The following CHD2 variants were observed in gnomAD, a reference collection of about 807,000 sequenced individuals.
The protein encoded by CHD2 is ATP-dependent chromatin remodeler CHD2.
In CHD2, 28 loss-of-function variants were observed where a neutral mutation model predicts 243.9. That is an observed-to-expected ratio of 0.11 (90% confidence interval 0.09 to 0.16). The LOEUF is 0.16. CHD2 is among the 10% of genes least tolerant of loss of function. CHD2 has a pLI of 1.00. For synonymous variants in CHD2, 775 were observed against 779.0 expected (o/e 0.99, Z 0.09); for missense variants, 1,386 against 2,209.8 (o/e 0.63, Z 7.47).
At chr15:92,975,947 C>A (rs565920205) in intron 20 of CHD2, among the ~76,000 whole-genome samples, 2 of 152,302 alleles carry the variant, frequency 1.3e-5, no homozygotes, top group African/African-American at 4.8e-5. Flanking sequence ...TTCCTCCTTT[C>A]CTTGCTCCTT....
At chr15:93,015,434 C>T (rs1325434218) in intron 37 of CHD2, among the ~76,000 whole-genome samples, 2 of 151,954 alleles carry the variant, frequency 1.3e-5, no homozygotes, top group African/African-American at 4.8e-5. Context: ...CATGAACAAA[C>T]GAAAAAGACT....
chr15:92,975,917 C>T (rs1270403331), intron 20 of CHD2, among the ~76,000 whole-genome samples: 1 of 152,114 alleles, frequency 6.6e-6, no homozygotes, highest in Non-Finnish European at 1.5e-5. Flanking sequence ...TTAAAGACAT[C>T]GGTCATCAAC....
At chr15:92,942,462 C>T (rs536573048) in intron 8 of CHD2, among the ~76,000 whole-genome samples, 9 of 149,734 alleles carry the variant, frequency 6.0e-5, no homozygotes, top group Middle Eastern at 3.4e-3. Flanking sequence ...GAAAGTTAAC[C>T]GGGGACTTCG....
intron 16 of CHD2, among the ~76,000 whole-genome samples, chr15:92,959,031 A>G (rs1270864318): frequency 6.6e-6 from 1 of 152,190 alleles, no homozygotes; most frequent in East Asian, 1.9e-4. Flanking sequence ...TTTTATCCCA[A>G]TCTGTGGCTT....
chr15:92,978,001 G>A, intron 20 of CHD2: 1 of 484,714 alleles, frequency 2.1e-6, no homozygotes, highest in Non-Finnish European at 3.7e-6. Context: ...CACTCCCATT[G>A]CCTTATTAGA....
Position 92,981,637 on chromosome 15 carries a change from G to A in CHD2, c.3066+180G>A, listed in dbSNP as rs11637185. On this transcript the variant is annotated intron_variant, in intron 24 of 38. Coordinates refer to ENST00000394196, the MANE Select transcript of CHD2 (RefSeq NM_001271.4). ...TGAATGTAGGTTCTACAGTCCGCAC[G>A]AAGGTAATCACTGAAGTGGGCTATC... is the stretch of plus-strand genomic sequence containing the variant. Among the ~76,000 whole-genome samples the A allele has an allele frequency of 0.2, 30,876 of 152,194 alleles. 3,841 individuals are homozygous for A. The highest frequency in any genetic ancestry group is 0.31 in the Middle Eastern group (91 of 294).
rs1468576695 is a variant in CHD2 at position 93,009,210 on chromosome 15, C to T, written c.4479C>T (p.Leu1493=). The change falls in exon 35 of 39, where the codon CTC becomes CTT. Residue 1493 remains leucine (L), a synonymous_variant. Coordinates refer to ENST00000394196, the MANE Select transcript of CHD2 (RefSeq NM_001271.4). ...AGCTCGACAAACCTGACAAGGGGCT[C>T]AACGTGCAAGAACAGCTGGAACACA... ...LKQLDKPDKG[L]NVQEQLEHTR... 6.2e-7 allele frequency: 1 copy of T among 1,614,180 alleles called. No homozygotes were observed. The highest frequency in any genetic ancestry group is 8.5e-7 in the Non-Finnish European group (1 of 1,180,016).
At chr15:93,008,338 A>G (rs2054348510) in intron 34 of CHD2, among the ~76,000 whole-genome samples, 1 of 152,164 alleles carries the variant, frequency 6.6e-6, no homozygotes, top group Non-Finnish European at 1.5e-5. Flanking sequence ...TTTCTGGAGA[A>G]TAAGTCTTTA....
At chr15:92,907,734 C>T (rs2052648667) in intron 2 of CHD2, among the ~76,000 whole-genome samples, 1 of 152,110 alleles carries the variant, frequency 6.6e-6, no homozygotes, top group South Asian at 2.1e-4. Context: ...GCAAAGAGCC[C>T]ATCACATTAA....
At position 92,995,246 on chromosome 15, in the gene CHD2, C is replaced by T. The variant is rs569850706; in HGVS notation, c.3596-1711C>T. On this transcript the variant is annotated intron_variant, in intron 28 of 38. Transcript: ENST00000394196. ...CACCACCTTAATATATAGTTAGACTCTTTTGTTTTCATTTATTTTCAGTAC... is the reference window on the plus strand; with the variant it reads ...CACCACCTTAATATATAGTTAGACTTTTTTGTTTTCATTTATTTTCAGTAC... Among the ~76,000 whole-genome samples the T allele has an allele frequency of 4.6e-5, 7 of 152,262 alleles. No homozygotes were observed. In the East Asian group the frequency reaches 1.3e-3, roughly 29 times the overall value.
intron 13 of CHD2, among the ~76,000 whole-genome samples, chr15:92,949,423 G>A (rs148389921): frequency 2.8e-4 from 42 of 152,280 alleles, no homozygotes; most frequent in African/African-American, 9.9e-4. Context: ...GAAGAAAGAA[G>A]AAGATGTCTT....
rs1392198774 is a variant in CHD2 at position 92,994,419 on chromosome 15, A to G, written c.3595+1421A>G. On this transcript the variant is annotated intron_variant, in intron 28 of 38. Coordinates refer to ENST00000394196, the MANE Select transcript of CHD2 (RefSeq NM_001271.4). ...TAATAAAAAATTATTTTATTATTCA[A>G]TAATAACCTTAATATTATTGAATTT... Among the ~76,000 whole-genome samples, 6 of 151,938 alleles carry G rather than the reference A, an allele frequency of 3.9e-5. No homozygotes were observed. In the East Asian group the frequency reaches 5.8e-4, roughly 15 times the overall value.
chr15:93,013,088 G>A (rs560051666), intron 36 of CHD2, among the ~76,000 whole-genome samples: 2 of 152,330 alleles, frequency 1.3e-5, no homozygotes, highest in African/African-American at 4.8e-5. Context: ...CTCATCTACT[G>A]CTGTGTTCTC....
chr15:92,978,114 G>T (rs1023625506), intron 20 of CHD2, 120 bp from the exon 21 acceptor site: 10 of 1,129,284 alleles, frequency 8.9e-6, no homozygotes, highest in Non-Finnish European at 1.3e-5. Flanking sequence ...CATAAAGTTT[G>T]TCCATCATAT....
chr15:93,016,957 A>G (rs1237108374), intron 37 of CHD2, among the ~76,000 whole-genome samples: 4 of 152,212 alleles, frequency 2.6e-5, no homozygotes, highest in Admixed American at 1.3e-4. Flanking sequence ...AATGGCCAAT[A>G]TGACGAGATG....
At chr15:92,947,426 G>C (rs1881834) in intron 12 of CHD2, 55,087 of 152,050 alleles carry the variant, frequency 0.36, 11,330 homozygotes, top group East Asian at 0.81. Context: ...TAGACCCCAG[G>C]GGTGAGGAGA....
At chr15:93,001,025 C>T (rs907756205) in intron 32 of CHD2, among the ~76,000 whole-genome samples, 4 of 152,174 alleles carry the variant, frequency 2.6e-5, no homozygotes, top group Admixed American at 6.5e-5. Context: ...CCTGCCACCA[C>T]GCCAGGCTCA....
Position 92,942,887 on chromosome 15 carries a change from G to A in CHD2, c.871G>A (p.Asp291Asn), listed in dbSNP as rs201819533. Reference sequence around the variant, plus strand: ...TGTATATGCGATTGAAGCTAATGGCGACCCTAGTGGTGACTTTGACACTGA... The same window carrying A: ...TGTATATGCGATTGAAGCTAATGGCAACCCTAGTGGTGACTTTGACACTGA... Reference protein sequence around the residue: ...TTVYAIEANGDPSGDFDTEKD... With the variant: ...TTVYAIEANGNPSGDFDTEKD... Residue 291 changes from aspartate (D) to asparagine (N), a missense_variant, in exon 9 of 39, where the codon GAC becomes AAC. By Grantham distance (23) the Asp-to-Asn change is conservative (BLOSUM62 1). Transcript: ENST00000394196. The A allele has an allele frequency of 8.7e-6, 14 of 1,613,698 alleles. No homozygotes were observed. Among genetic ancestry groups the A allele is most frequent in the African/African-American group, 4.0e-5 (3 of 74,994 alleles).
chr15:92,976,306 CTAAA>C (rs2053907431), intron 20 of CHD2, among the ~76,000 whole-genome samples: 1 of 152,016 alleles, frequency 6.6e-6, no homozygotes, highest in African/African-American at 2.4e-5. Context: ...CTTTAAAAAA[CTAAA>C]TATTTATTGT....
Sources: gnomAD v4.1 joint callset for allele counts (sites outside exome capture counted in the v4.1 genomes callset) on GRCh38, gnomAD v4.1.1 for gene constraint, MANE v1.5 for transcripts, NCBI Gene and HGNC (gene_info 2026-07-23, HGNC 2026-07-21) for gene names.